FUT4: variants seen among roughly 807,000 people sequenced by gnomAD.
The protein encoded by FUT4 is alpha-(1,3)-fucosyltransferase 4.
Under a neutral mutation model 3.8 loss-of-function variants are expected in FUT4, and 1 was observed. The ratio of observed to expected loss-of-function variants is 0.26; its 90% CI spans 0.09 to 1.25. FUT4 has a LOEUF of 1.25. Among genes scored for constraint, FUT4 ranks in the 50% most tolerant of loss-of-function variants. FUT4 has a pLI of 0.47. For missense variants in FUT4, 880 were observed against 768.2 expected (o/e 1.15, Z -1.72); for synonymous variants, 417 against 355.3 (o/e 1.17, Z -1.95).
Position 94,547,358 on chromosome 11 carries a change from A to C in FUT4, c.*1632A>C, listed in dbSNP as rs1265497789. 6.0e-6 allele frequency: 1 copy of C among 167,010 alleles called. No individual in the cohort carries two copies. 10.3% of individuals were successfully genotyped at this position (167,010 alleles called of 1,614,324 possible). On this transcript the variant is annotated 3_prime_UTR_variant, in exon 1 of 1. Transcript: ENST00000358752. ...ATAATGGGAGTTTTCTCCTCCACTT[A>C]TTAGAATAAGGACCCTCAGTGACTA...
rs1205739231 is a variant in FUT4 at position 94,545,923 on chromosome 11, A to G, written c.*197A>G. ...GGCCCGGTTTCCATATTTTTTGCAC[A>G]GCTAGCAATTGGGCTCCCTTTGCTG... On this transcript the variant is annotated 3_prime_UTR_variant, in exon 1 of 1. Transcript: ENST00000358752. The G allele has an allele frequency of 1.3e-6, 1 of 756,710 alleles. No individual in the cohort carries two copies. The highest frequency in any genetic ancestry group is 2.0e-5 in the Admixed American group (1 of 49,722). 46.9% of individuals were successfully genotyped at this position (756,710 alleles called of 1,614,324 possible). A position where few individuals can be genotyped will look rare whatever the true frequency, so the allele number is the denominator to read the frequency against.
rs1364952582 is a variant in FUT4, at chr11:94,548,386, G to A, written c.*2660G>A. 2.6e-5 allele frequency: 4 copies of A among 152,658 alleles called. No individual in the cohort carries two copies. Among genetic ancestry groups the A allele is most frequent in the Non-Finnish European group, 4.4e-5 (3 of 68,210 alleles). 9.5% of individuals were successfully genotyped at this position (152,658 alleles called of 1,614,324 possible). ...GCCTCCCGAGCAGCTGAGACTACAG[G>A]CGCCTGCCACCACGCCTGGCCAATT... On this transcript the variant is annotated 3_prime_UTR_variant, in exon 1 of 1. Transcript: ENST00000358752.
In FUT4 at chr11:94,548,667, T is replaced by C. The variant is rs1429412181; in HGVS notation, c.*2941T>C. On this transcript the variant is annotated 3_prime_UTR_variant, in exon 1 of 1. Transcript: ENST00000358752. ...ATATATTAAATTGAGTAGGTTCAGCTCTAACATACCTTAAGAAAAATGCAT... is the reference window on the plus strand; with the variant it reads ...ATATATTAAATTGAGTAGGTTCAGCCCTAACATACCTTAAGAAAAATGCAT... The C allele has an allele frequency of 1.2e-5, 2 of 167,100 alleles. No individual in the cohort carries two copies. Among genetic ancestry groups the C allele is most frequent in the Non-Finnish European group, 2.9e-5 (2 of 68,128 alleles). The allele number at this position is 167,100 out of a possible 1,614,324, so 10.4% of individuals were successfully genotyped here. A position where few individuals can be genotyped will look rare whatever the true frequency, so the allele number is the denominator to read the frequency against.
At position 94,545,747 on chromosome 11, in the gene FUT4, G is replaced by T; in HGVS notation, c.*21G>T. On this transcript the variant is annotated 3_prime_UTR_variant, in exon 1 of 1. Transcript: ENST00000358752. ...GGTGAAGCCGCGCTCCCCTGGAAGC[G>T]ACCCAGGGGAGGCCAAGTTGTCAGC... The T allele has an allele frequency of 6.3e-7, 1 of 1,599,600 alleles. No homozygotes were observed.
Position 94,547,188 on chromosome 11 carries a change from C to T in FUT4, c.*1462C>T, listed in dbSNP as rs1002759571. Reference sequence around the variant, plus strand: ...ATAGAGAATTATACAAGGCAAAGTCCTTCTCTTTAGGGCTCTTACAATCTA... The same window carrying T: ...ATAGAGAATTATACAAGGCAAAGTCTTTCTCTTTAGGGCTCTTACAATCTA... On this transcript the variant is annotated 3_prime_UTR_variant, in exon 1 of 1. Coordinates refer to ENST00000358752, the MANE Select transcript of FUT4 (RefSeq NM_002033.4). 1.8e-5 allele frequency: 3 copies of T among 167,018 alleles called. No individual in the cohort carries two copies. Among genetic ancestry groups the T allele is most frequent in the African/African-American group, 7.2e-5 (3 of 41,446 alleles). The allele number at this position is 167,018 out of a possible 1,614,324, so 10.3% of individuals were successfully genotyped here.
Position 94,544,453 on chromosome 11 carries a change from G to C in FUT4, c.320G>C (p.Arg107Pro). 1 of 1,507,478 alleles carries C rather than the reference G, an allele frequency of 6.6e-7. No homozygotes were observed. The highest frequency in any genetic ancestry group is 8.8e-7 in the Non-Finnish European group (1 of 1,135,154). The allele number at this position is 1,507,478 out of a possible 1,614,324, so 93.4% of individuals were successfully genotyped here. Residue 107 changes from arginine (R) to proline (P), a missense_variant, in exon 1 of 1, where the codon CGC becomes CCC. This residue lies in a region of FUT4 where 447 missense variants were observed against 339.5 expected (regional missense o/e 1.32). Coordinates refer to ENST00000358752, the MANE Select transcript of FUT4 (RefSeq NM_002033.4). ...CAGCTACAGCATGAGAGCCGGTGCCGCTCCTCCACGCCTGCGGACGCGTGG... is the reference window on the plus strand; with the variant it reads ...CAGCTACAGCATGAGAGCCGGTGCCCCTCCTCCACGCCTGCGGACGCGTGG... The part of the protein sequence containing the change: ...EPQLQHESRC[R>P]SSTPADAWRA...
rs1270534714 is a variant in FUT4 at position 94,545,539 on chromosome 11, C to T, written c.1406C>T (p.Ala469Val). The part of the protein sequence containing the change: ...VDDFPSASSL[A>V]SYLLFLDRNP... ...GACTTCCCAAGTGCCTCCTCCCTGG[C>T]CTCGTACCTGCTTTTCCTCGACCGC... The change falls in exon 1 of 1, where the codon GCC (alanine) becomes GTC (valine). Residue 469 changes from alanine (A) to valine (V), a missense_variant. Ala to Val is a moderately conservative substitution (Grantham distance 64). Coordinates refer to ENST00000358752, the MANE Select transcript of FUT4 (RefSeq NM_002033.4). The T allele has an allele frequency of 6.2e-7, 1 of 1,613,796 alleles. No homozygotes were observed. The highest frequency in any genetic ancestry group is 2.2e-5 in the East Asian group (1 of 44,874).
At position 94,544,763 on chromosome 11, in the gene FUT4, C is replaced by A; in HGVS notation, c.630C>A (p.Asp210Glu). The A allele has an allele frequency of 6.3e-7, 1 of 1,575,802 alleles. No individual in the cohort carries two copies. The highest frequency in any genetic ancestry group is 1.1e-5 in the South Asian group (1 of 87,994). Residue 210 changes from aspartate to glutamate, a missense_variant, in exon 1 of 1, where the codon GAC becomes GAA. Asp to Glu is a conservative substitution (Grantham distance 45). Around this residue, in one of 3 missense-constraint regions of FUT4, gnomAD observed 447 missense variants for 339.5 expected, o/e 1.32. Transcript: ENST00000358752. ...GRDSAPRPPP[D>E]CRLRFNISGC... The stretch of plus-strand genomic sequence containing the variant: ...ATAGCGCCCCGAGGCCGCCCCCTGA[C>A]TGCCGGCTGCGCTTCAACATCAGCG...
In FUT4 at chr11:94,544,182, GAGA is replaced by G. The variant is rs781282118; in HGVS notation, c.52_54del (p.Lys18del). On this transcript the variant is annotated inframe_deletion, in exon 1 of 1. Transcript: ENST00000358752. ...CCGGAAGCCCTCGGGCGCGGGCTGG[GAGA>G]AGGAGTGGGCGGAGGCGCCGCAGGA... The G allele has an allele frequency of 1.2e-4, 163 of 1,403,028 alleles. 1 individual carries two copies. The highest frequency in any genetic ancestry group is 1.8e-4 in the South Asian group (11 of 61,720). 86.9% of individuals were successfully genotyped at this position (1,403,028 alleles called of 1,614,324 possible).
Position 94,547,608 on chromosome 11 carries a change from A to G in FUT4, c.*1882A>G, listed in dbSNP as rs1947878066. 1 of 167,048 alleles carries G rather than the reference A, an allele frequency of 6.0e-6. No individual in the cohort carries two copies. Among genetic ancestry groups the G allele is most frequent in the Non-Finnish European group, 1.5e-5 (1 of 68,128 alleles). 10.3% of individuals were successfully genotyped at this position (167,048 alleles called of 1,614,324 possible). A position where few individuals can be genotyped will look rare whatever the true frequency, so the allele number is the denominator to read the frequency against. On this transcript the variant is annotated 3_prime_UTR_variant, in exon 1 of 1. Transcript: ENST00000358752. ...GTGGAGAAAATGTCCTCATTAAAGT[A>G]TTAAAGTGTGGGCAGAATTACAATT...
In FUT4 at chr11:94,545,674, C is replaced by T. The variant is rs1947853276; in HGVS notation, c.1541C>T (p.Ala514Val). ...WCRVCQAVQR[A>V]GDRPKSIRNL... ...CGGGTGTGCCAGGCTGTACAGAGGG[C>T]TGGGGACCGGCCCAAGAGCATACGG... Residue 514 changes from alanine (A) to valine (V), a missense_variant, in exon 1 of 1, where the codon GCT becomes GTT. This residue lies in a region of FUT4 where 424 missense variants were observed against 400.4 expected (regional missense o/e 1.06). Coordinates refer to ENST00000358752, the MANE Select transcript of FUT4 (RefSeq NM_002033.4). 6.2e-7 allele frequency: 1 copy of T among 1,612,294 alleles called. No homozygotes were observed. Among genetic ancestry groups the T allele is most frequent in the African/African-American group, 1.3e-5 (1 of 75,072 alleles).
In FUT4 at chr11:94,544,429, A is replaced by G; in HGVS notation, c.296A>G (p.Gln99Arg). 1 of 1,523,002 alleles carries G rather than the reference A, an allele frequency of 6.6e-7. No individual in the cohort carries two copies. Among genetic ancestry groups the G allele is most frequent in the Non-Finnish European group, 8.7e-7 (1 of 1,143,010 alleles). 94.3% of individuals were successfully genotyped at this position (1,523,002 alleles called of 1,614,324 possible). The change falls in exon 1 of 1, where the codon CAG (glutamine) becomes CGG (arginine). Residue 99 changes from glutamine to arginine, a missense_variant. Around this residue, in one of 3 missense-constraint regions of FUT4, gnomAD observed 447 missense variants for 339.5 expected, o/e 1.32. Coordinates refer to ENST00000358752, the MANE Select transcript of FUT4 (RefSeq NM_002033.4). ...GAGCGGCAGCGACGGCTGGAGCCGC[A>G]GCTACAGCATGAGAGCCGGTGCCGC... ...SGERQRRLEPQLQHESRCRSS... is the reference protein window; with the variant it reads ...SGERQRRLEPRLQHESRCRSS...
Position 94,548,046 on chromosome 11 carries a change from C to G in FUT4, c.*2320C>G, listed in dbSNP as rs1308793873. On this transcript the variant is annotated 3_prime_UTR_variant, in exon 1 of 1. Transcript: ENST00000358752. ...TTGTAGAATAAATTAAAAGGATAAT[C>G]TAAATCACCATTTAGATTAAGCTTG... 1 of 166,744 alleles carries G rather than the reference C, an allele frequency of 6.0e-6. No homozygotes were observed. Among genetic ancestry groups the G allele is most frequent in the Non-Finnish European group, 1.5e-5 (1 of 68,116 alleles). 10.3% of individuals were successfully genotyped at this position (166,744 alleles called of 1,614,324 possible). A position where few individuals can be genotyped will look rare whatever the true frequency, so the allele number is the denominator to read the frequency against.
chr11:94,544,671 T>G lies in FUT4; in HGVS notation c.538T>G (p.Trp180Gly), dbSNP rs966804581. Residue 180 changes from tryptophan to glycine, a missense_variant, in exon 1 of 1, where the codon TGG (tryptophan) becomes GGG (glycine). This residue lies in a region of FUT4 where 447 missense variants were observed against 339.5 expected (regional missense o/e 1.32). Transcript: ENST00000358752. Reference sequence around the variant, plus strand: ...CTGGGGGCAGCTGCCGCCGCTGCCCTGGGCGTCGCCAACCCCGTCGCGACC... The same window carrying G: ...CTGGGGGCAGCTGCCGCCGCTGCCCGGGGCGTCGCCAACCCCGTCGCGACC... ...ACWGQLPPLP[W>G]ASPTPSRPVG... is the part of the protein sequence containing the mutation. 1.0e-5 allele frequency: 15 copies of G among 1,503,386 alleles called. No homozygotes were observed. Among genetic ancestry groups the G allele is most frequent in the Non-Finnish European group, 1.3e-5 (15 of 1,139,272 alleles). 93.1% of individuals were successfully genotyped at this position (1,503,386 alleles called of 1,614,324 possible).
In FUT4 at chr11:94,545,352, T is replaced by C; in HGVS notation, c.1219T>C (p.Tyr407His). Residue 407 changes from tyrosine (Y) to histidine (H), a missense_variant, in exon 1 of 1, where the codon TAC becomes CAC. This residue lies in a region of FUT4 where 424 missense variants were observed against 400.4 expected (regional missense o/e 1.06). Coordinates refer to ENST00000358752, the MANE Select transcript of FUT4 (RefSeq NM_002033.4). ...EIGLLHTVAR[Y>H]KFYLAFENSQ... is the part of the protein sequence containing the mutation. Reference sequence around the variant, plus strand: ...TGGGCTCCTGCACACAGTGGCCCGCTACAAGTTCTACCTGGCTTTCGAGAA... The same window carrying C: ...TGGGCTCCTGCACACAGTGGCCCGCCACAAGTTCTACCTGGCTTTCGAGAA... 2 of 1,612,934 alleles carry C rather than the reference T, an allele frequency of 1.2e-6. No homozygotes were observed. Among genetic ancestry groups the C allele is most frequent in the Non-Finnish European group, 1.7e-6 (2 of 1,179,854 alleles).
chr11:94,546,203 CTG>C lies in FUT4; in HGVS notation c.*480_*481del, dbSNP rs1947860635. On this transcript the variant is annotated 3_prime_UTR_variant, in exon 1 of 1. Transcript: ENST00000358752. ...GCCTTGTTGGTGGAGAGTGGAAGGA[CTG>C]TGGCTGCAGGTGGGACTTTGTTGTT... is the stretch of plus-strand genomic sequence containing the variant. The C allele has an allele frequency of 2.8e-5, 9 of 324,170 alleles. No homozygotes were observed. Among genetic ancestry groups the C allele is most frequent in the Non-Finnish European group, 5.1e-5 (8 of 157,672 alleles). 20.1% of individuals were successfully genotyped at this position (324,170 alleles called of 1,614,324 possible). A position where few individuals can be genotyped will look rare whatever the true frequency, so the allele number is the denominator to read the frequency against.
Position 94,544,297 on chromosome 11 carries a change from C to T in FUT4, c.164C>T (p.Ala55Val), listed in dbSNP as rs1947829965. Residue 55 changes from alanine to valine, a missense_variant, in exon 1 of 1, where the codon GCT (alanine) becomes GTT (valine). Transcript: ENST00000358752. ...RAVPGWASWP[A>V]HLALAARPAR... ...GTGCCCGGTTGGGCGTCCTGGCCAGCTCACCTTGCCCTGGCGGCTCGCCCC... is the reference window on the plus strand; with the variant it reads ...GTGCCCGGTTGGGCGTCCTGGCCAGTTCACCTTGCCCTGGCGGCTCGCCCC... 1.3e-6 allele frequency: 2 copies of T among 1,562,932 alleles called. No homozygotes were observed. Among genetic ancestry groups the T allele is most frequent in the South Asian group, 1.2e-5 (1 of 86,822 alleles).
In FUT4 at chr11:94,545,180, A is replaced by C. The variant is rs1043441458; in HGVS notation, c.1047A>C (p.Pro349=). ...PGDPPSGLAP[P]LSRKQGLVAW... ...ACCCGCCCTCAGGCCTGGCCCCGCC[A>C]CTGTCCAGGAAACAGGGGCTGGTGG... Residue 349 remains proline (P), a synonymous_variant, in exon 1 of 1, where the codon CCA becomes CCC. Coordinates refer to ENST00000358752, the MANE Select transcript of FUT4 (RefSeq NM_002033.4). 3 of 1,611,234 alleles carry C rather than the reference A, an allele frequency of 1.9e-6. No homozygotes were observed. Among genetic ancestry groups the C allele is most frequent in the Non-Finnish European group, 2.5e-6 (3 of 1,179,766 alleles).
rs1299459661 is a variant in FUT4 at position 94,546,543 on chromosome 11, CT to C, written c.*820del. ...TCATCTCCTAATTTGTTTCTTCTGT[CT>C]TTATGTTTTTCTATAACCTGGATTT... On this transcript the variant is annotated 3_prime_UTR_variant, in exon 1 of 1. Coordinates refer to ENST00000358752, the MANE Select transcript of FUT4 (RefSeq NM_002033.4). 1 of 166,900 alleles carries C rather than the reference CT, an allele frequency of 6.0e-6. No homozygotes were observed. The highest frequency in any genetic ancestry group is 1.5e-5 in the Non-Finnish European group (1 of 68,096). 10.3% of individuals were successfully genotyped at this position (166,900 alleles called of 1,614,324 possible). A position where few individuals can be genotyped will look rare whatever the true frequency, so the allele number is the denominator to read the frequency against.
Sources: allele counts gnomAD v4.1 joint callset, GRCh38; gene constraint gnomAD v4.1.1; regional missense constraint gnomAD v4.1.1; transcripts MANE v1.5; gene names NCBI Gene and HGNC (gene_info 2026-07-23, HGNC 2026-07-21).